RXFP1: variants seen among roughly 807,000 people sequenced by gnomAD.
The protein encoded by RXFP1 is relaxin family peptide receptor 1.
A neutral mutation model predicts 89.8 loss-of-function variants in RXFP1; 73 were observed. The observed-to-expected ratio is 0.81, with a 90% CI of 0.67 to 0.99. The LOEUF is 0.99. Among genes scored for constraint, RXFP1 ranks in the 50% least tolerant of loss-of-function variants. RXFP1 has a pLI of 0.00. For synonymous variants in RXFP1, 277 were observed against 305.5 expected, an observed-to-expected ratio of 0.91 and a Z score of 0.97; for missense variants, 793 against 895.5, an observed-to-expected ratio of 0.89 and a Z score of 1.46.
At chr4:158,544,474 G>C (rs1747683498) in intron 1 of RXFP1, 2 of 519,870 alleles carry the variant, frequency 3.8e-6, no homozygotes, top group Non-Finnish European at 4.9e-6. Context: ...TATACTTTAA[G>C]TTTTAGGGTA....
intron 1 of RXFP1, among the ~76,000 whole-genome samples, chr4:158,527,563 A>AT (rs60237196): frequency 0.014 from 1,459 of 102,520 alleles, 25 homozygotes; most frequent in African/African-American, 0.035. Context: ...AAAAAAAAAA[A>AT]AATATATATA....
upstream of RXFP1, chr4:158,521,755 G>C: frequency 3.9e-6 from 2 of 517,446 alleles, no homozygotes; most frequent in South Asian, 5.5e-5. Context: ...TTTAGAGAAG[G>C]AGGGCGGGGA....
intron 1 of RXFP1, among the ~76,000 whole-genome samples, chr4:158,554,210 A>G (rs1159320241): frequency 2.0e-5 from 3 of 152,204 alleles, no homozygotes; most frequent in Non-Finnish European, 4.4e-5. Flanking sequence ...TTACAATTCA[A>G]TGATTTTTTC....
At chr4:158,622,065 CTG>C (rs762138317) in intron 9 of RXFP1, among the ~76,000 whole-genome samples, 3 of 152,194 alleles carry the variant, frequency 2.0e-5, no homozygotes, top group Non-Finnish European at 4.4e-5. Flanking sequence ...AATCCCAACA[CTG>C]TGGGTGGCAG....
chr4:158,573,094 T>C (rs1392840209), intron 2 of RXFP1: 15 of 292,722 alleles, frequency 5.1e-5, no homozygotes, highest in South Asian at 1.4e-4. Flanking sequence ...CTGCAACCTC[T>C]GCCTCCTGGG....
intron 1 of RXFP1, among the ~76,000 whole-genome samples, chr4:158,527,240 C>T (rs1000121478): frequency 5.3e-5 from 8 of 151,786 alleles, no homozygotes; most frequent in African/African-American, 1.9e-4. Context: ...TGAGTTATTC[C>T]ATTGATTAAA....
At chr4:158,616,143 C>T (rs1764522288) in intron 8 of RXFP1, among the ~76,000 whole-genome samples, 1 of 152,100 alleles carries the variant, frequency 6.6e-6, no homozygotes, top group South Asian at 2.1e-4. Context: ...CAAGGTGGGC[C>T]AGGTGCAGTG....
At chr4:158,541,223 T>A (rs1244622043) in intron 1 of RXFP1, among the ~76,000 whole-genome samples, 2 of 152,116 alleles carry the variant, frequency 1.3e-5, no homozygotes, top group African/African-American at 2.4e-5. Context: ...TGGTTAAAGA[T>A]GGAAGAAAAA....
chr4:158,545,560 T>C (rs1208414135), intron 1 of RXFP1, among the ~76,000 whole-genome samples: 3 of 152,216 alleles, frequency 2.0e-5, no homozygotes, highest in Non-Finnish European at 4.4e-5. Flanking sequence ...CTAGGTTTTC[T>C]TCTAGGGCTT....
intron 2 of RXFP1, among the ~76,000 whole-genome samples, chr4:158,577,489 C>T (rs551331354): frequency 6.6e-6 from 1 of 152,010 alleles, no homozygotes; most frequent in African/African-American, 2.4e-5. Context: ...TAAGAAAACC[C>T]CATAATTAAA....
chr4:158,544,399 T>C, intron 1 of RXFP1: 7 of 978,058 alleles, frequency 7.2e-6, no homozygotes, highest in Non-Finnish European at 8.5e-6. Context: ...GACATGGTCA[T>C]AGAGGAAGTA....
At chr4:158,596,490 C>T (rs1760638297) in intron 3 of RXFP1, among the ~76,000 whole-genome samples, 1 of 152,172 alleles carries the variant, frequency 6.6e-6, no homozygotes, top group East Asian at 1.9e-4. Flanking sequence ...GAACTCCCAA[C>T]CTCAGGTGAT....
chr4:158,569,776 A>G (rs980913209), intron 1 of RXFP1, among the ~76,000 whole-genome samples: 13 of 152,152 alleles, frequency 8.5e-5, no homozygotes, highest in Non-Finnish European at 1.6e-4. Context: ...AAATAACGAC[A>G]AGGGCTTTGT....
At chr4:158,575,418 C>A (rs993554537) in intron 2 of RXFP1, among the ~76,000 whole-genome samples, 1 of 151,996 alleles carries the variant, frequency 6.6e-6, no homozygotes, top group Non-Finnish European at 1.5e-5. Flanking sequence ...ATAATGTATC[C>A]GAGATGCTTA....
chr4:158,616,412 A>G (rs1764575434), intron 8 of RXFP1, among the ~76,000 whole-genome samples: 1 of 152,118 alleles, frequency 6.6e-6, no homozygotes, highest in South Asian at 2.1e-4. Flanking sequence ...CTGGGCAGAC[A>G]GAGCAAGACT....
chr4:158,629,711 C>G (rs772438688), intron 11 of RXFP1, among the ~76,000 whole-genome samples: 13 of 152,004 alleles, frequency 8.6e-5, no homozygotes, highest in Non-Finnish European at 1.9e-4. Context: ...ACCGTAACCT[C>G]GAACTCCTTG....
intron 1 of RXFP1, among the ~76,000 whole-genome samples, chr4:158,529,729 C>T (rs975112799): frequency 6.6e-6 from 1 of 152,134 alleles, no homozygotes; most frequent in African/African-American, 2.4e-5. Flanking sequence ...TCCCTTAGCG[C>T]TTAATTTCTC....
chr4:158,576,522 C>T (rs1166339897), intron 2 of RXFP1, among the ~76,000 whole-genome samples: 2 of 152,120 alleles, frequency 1.3e-5, no homozygotes, highest in Non-Finnish European at 2.9e-5. Context: ...ATATGAGCCT[C>T]GTGTCATTCT....
At chr4:158,596,160 G>A (rs1026404728) in intron 3 of RXFP1, among the ~76,000 whole-genome samples, 3 of 151,642 alleles carry the variant, frequency 2.0e-5, no homozygotes, top group African/African-American at 7.3e-5. Context: ...AACGTTAATA[G>A]ATATAATTTA....
Sources: allele counts gnomAD v4.1 joint callset (sites outside exome capture counted in the v4.1 genomes callset), GRCh38; gene constraint gnomAD v4.1.1; transcripts MANE v1.5; gene names NCBI Gene and HGNC (gene_info 2026-07-23, HGNC 2026-07-21).